The following ASTN2 variants were observed in gnomAD, a reference collection of about 807,000 sequenced individuals.
The protein encoded by ASTN2 is astrotactin-2.
A neutral mutation model predicts 139.8 loss-of-function variants in ASTN2; 54 were observed. The observed-to-expected ratio is 0.39, with a 90% CI of 0.31 to 0.48. The LOEUF is 0.48. ASTN2 is among the 20% of genes least tolerant of loss of function. The pLI, the probability that ASTN2 is intolerant of heterozygous loss-of-function variation, is 0.95. For synonymous variants in ASTN2, 756 were observed against 719.5 expected (o/e 1.05, Z -0.81); for missense variants, 1,565 against 1,725.1 (o/e 0.91, Z 1.64).
chr9:116,583,372 C>T (rs899948177), intron 19 of ASTN2: 2 of 152,168 alleles, frequency 1.3e-5, no homozygotes, highest in African/African-American at 4.8e-5. Context: ...GGAGTCTCTG[C>T]TTAAAGTTAA....
chr9:116,618,561 G>T, intron 18 of ASTN2, 89 bp from the exon 19 acceptor site: 3 of 1,412,414 alleles, frequency 2.1e-6, no homozygotes, highest in South Asian at 1.5e-5. Context: ...TGAAGCATAG[G>T]TTTCAGTCTG....
chr9:116,915,293 C>G (rs1217443059), intron 10 of ASTN2, among the ~76,000 whole-genome samples: 3 of 152,210 alleles, frequency 2.0e-5, no homozygotes, highest in East Asian at 1.9e-4. Flanking sequence ...CTTTTGCAGA[C>G]TAGCACATCA....
intron 3 of ASTN2, among the ~76,000 whole-genome samples, chr9:117,157,536 T>C (rs1223031953): frequency 6.6e-6 from 1 of 152,024 alleles, no homozygotes; most frequent in East Asian, 1.9e-4. Context: ...GACTTCCATA[T>C]CCAGAAAGCC....
intron 12 of ASTN2, among the ~76,000 whole-genome samples, chr9:116,814,015 G>A (rs1287736729): frequency 6.9e-6 from 1 of 145,934 alleles, no homozygotes; most frequent in Non-Finnish European, 1.5e-5. Flanking sequence ...CAGCCTGGGT[G>A]ACAGAGCAAG....
intron 13 of ASTN2, among the ~76,000 whole-genome samples, chr9:116,743,878 G>C (rs1165280885): frequency 6.6e-6 from 1 of 152,214 alleles, no homozygotes; most frequent in African/African-American, 2.4e-5. Context: ...TAAGACAACA[G>C]TGTTTTTGTA....
chr9:116,898,236 A>G (rs967395684), intron 10 of ASTN2, among the ~76,000 whole-genome samples: 21 of 151,846 alleles, frequency 1.4e-4, no homozygotes, highest in Non-Finnish European at 5.9e-5. Flanking sequence ...GTGAGACCCT[A>G]TCTCTACAAA....
At chr9:117,120,695 T>G (rs1178931822) in intron 4 of ASTN2, among the ~76,000 whole-genome samples, 1 of 152,180 alleles carries the variant, frequency 6.6e-6, no homozygotes, top group African/African-American at 2.4e-5. Flanking sequence ...CATTGTTTCT[T>G]TGGACTCTGT....
At chr9:117,071,934 C>T (rs1458492728) in intron 5 of ASTN2, among the ~76,000 whole-genome samples, 3 of 152,130 alleles carry the variant, frequency 2.0e-5, no homozygotes, top group Admixed American at 6.5e-5. Flanking sequence ...GAGATGAACC[C>T]GGTACCTCAG....
intron 19 of ASTN2, among the ~76,000 whole-genome samples, chr9:116,597,306 T>G (rs1219787517): frequency 5.8e-5 from 8 of 139,126 alleles, no homozygotes; most frequent in South Asian, 2.6e-4. Flanking sequence ...TCTATTTTTT[T>G]TTTTTTTTTT....
At chr9:116,963,823 T>A (rs983945194) in intron 10 of ASTN2, among the ~76,000 whole-genome samples, 1 of 152,010 alleles carries the variant, frequency 6.6e-6, no homozygotes, top group African/African-American at 2.4e-5. Context: ...CAGCAGGAGG[T>A]TTGGTGAGAA....
intron 1 of ASTN2, among the ~76,000 whole-genome samples, chr9:117,402,988 G>T (rs888301038): frequency 6.6e-6 from 1 of 152,184 alleles, no homozygotes; most frequent in Non-Finnish European, 1.5e-5. Context: ...TCAGACATTT[G>T]CAAGTAATTA....
intron 17 of ASTN2, among the ~76,000 whole-genome samples, chr9:116,631,672 T>C (rs775085180): frequency 4.6e-5 from 7 of 152,124 alleles, no homozygotes; most frequent in Non-Finnish European, 1.0e-4. Flanking sequence ...AGGATGACTA[T>C]AGTTAACAAT....
At chr9:116,868,257 G>A (rs1833068487) in intron 10 of ASTN2, among the ~76,000 whole-genome samples, 1 of 152,172 alleles carries the variant, frequency 6.6e-6, no homozygotes, top group Non-Finnish European at 1.5e-5. Flanking sequence ...AGAAATGACA[G>A]TTTTATACCC....
At chr9:117,148,114 G>A (rs774059867) in intron 3 of ASTN2, among the ~76,000 whole-genome samples, 1 of 152,178 alleles carries the variant, frequency 6.6e-6, no homozygotes, top group Non-Finnish European at 1.5e-5. Context: ...ATGTCTCACT[G>A]CAGAACTGTA....
At chr9:117,193,884 C>T (rs1248002023) in intron 3 of ASTN2, among the ~76,000 whole-genome samples, 1 of 152,172 alleles carries the variant, frequency 6.6e-6, no homozygotes, top group East Asian at 1.9e-4. Context: ...TCTCTGAAAA[C>T]TGGCATCTGG....
intron 10 of ASTN2, among the ~76,000 whole-genome samples, chr9:116,891,089 T>G (rs544224663): frequency 5.4e-4 from 83 of 152,302 alleles, no homozygotes; most frequent in Non-Finnish European, 1.8e-4. Context: ...GTATCTAATG[T>G]ATTCATTGTT....
rs866570926 is a variant in ASTN2, at chr9:116,661,751, G to T, written c.2807-9958C>A. ...CTAGGCATGCAACCAGGCCCTCTTT[G>T]TATAGTTACACAAGTTGAGCTCTGT... On this transcript the variant is annotated intron_variant, in intron 16 of 22. Coordinates refer to ENST00000313400, the MANE Select transcript of ASTN2 (RefSeq NM_001365068.1). Among the ~76,000 whole-genome samples, 7 of 152,162 alleles carry T rather than the reference G, an allele frequency of 4.6e-5. No individual in the cohort carries two copies. The Middle Eastern group carries it at 0.014, about 296-fold the overall frequency.
chr9:117,404,229 T>G (rs2130967361), intron 1 of ASTN2, among the ~76,000 whole-genome samples: 1 of 152,324 alleles, frequency 6.6e-6, no homozygotes, highest in African/African-American at 2.4e-5. Flanking sequence ...TTCTTCATGT[T>G]ATTGATGGGT....
chr9:117,282,927 A>G (rs1240173743), intron 2 of ASTN2, among the ~76,000 whole-genome samples: 3 of 134,132 alleles, frequency 2.2e-5, no homozygotes, highest in South Asian at 2.1e-4. Context: ...TGGATATTCT[A>G]TGAGGTCTCA....
Sources: allele counts gnomAD v4.1 joint callset (sites outside exome capture counted in the v4.1 genomes callset), GRCh38; gene constraint gnomAD v4.1.1; transcripts MANE v1.5; gene names NCBI Gene and HGNC (gene_info 2026-07-23, HGNC 2026-07-21).